HS3ST3B1: variants seen among roughly 807,000 people sequenced by gnomAD.
The protein encoded by HS3ST3B1 is heparan sulfate glucosamine 3-O-sulfotransferase 3B1.
In HS3ST3B1, 13 loss-of-function variants were observed where a neutral mutation model predicts 21.3. That is an observed-to-expected ratio of 0.61 (90% CI 0.40 to 0.97). HS3ST3B1 has a LOEUF of 0.97. Among genes scored for constraint, HS3ST3B1 ranks in the 50% least tolerant of loss-of-function variants. HS3ST3B1 has a pLI of 0.00. For missense variants in HS3ST3B1, 459 were observed against 554.8 expected (o/e 0.83, Z 1.73); for synonymous variants, 234 against 254.8 (o/e 0.92, Z 0.78).
intron 1 of HS3ST3B1, among the ~76,000 whole-genome samples, chr17:14,314,719 G>A (rs942129591): frequency 7.2e-5 from 11 of 152,188 alleles, no homozygotes; most frequent in African/African-American, 2.7e-4. Context: ...CCCTGGGCTT[G>A]TGAATGGGGG....
intron 1 of HS3ST3B1, among the ~76,000 whole-genome samples, chr17:14,310,822 C>T (rs1187277438): frequency 3.3e-5 from 5 of 152,158 alleles, no homozygotes; most frequent in African/African-American, 1.2e-4. Context: ...GGGCACTTAG[C>T]ATATGCTAGT....
chr17:14,316,763 C>A (rs1179700133), intron 1 of HS3ST3B1, among the ~76,000 whole-genome samples: 1 of 152,218 alleles, frequency 6.6e-6, no homozygotes, highest in Non-Finnish European at 1.5e-5. Flanking sequence ...AAGTGTCCTG[C>A]AGTTCACACA....
At position 14,336,762 on chromosome 17, in the gene HS3ST3B1, A is replaced by G. The variant is rs547271647; in HGVS notation, c.555-8266A>G. ...AAAAAGGAAAACAGGAATTTATGCC[A>G]TTAATTCATCTTACTTTCATGGAAT... On this transcript the variant is annotated intron_variant, in intron 1 of 1. Transcript: ENST00000360954. Among the ~76,000 whole-genome samples the G allele has an allele frequency of 2.6e-5, 4 of 152,382 alleles. No individual in the cohort carries two copies. The East Asian group carries it at 7.7e-4, about 29-fold the overall frequency.
At chr17:14,321,009 T>A (rs775776882) in intron 1 of HS3ST3B1, among the ~76,000 whole-genome samples, 8 of 152,182 alleles carry the variant, frequency 5.3e-5, no homozygotes, top group Non-Finnish European at 1.0e-4. Context: ...TGTACAACCT[T>A]GATTTACTGT....
intron 1 of HS3ST3B1, among the ~76,000 whole-genome samples, chr17:14,320,206 A>G (rs1351961703): frequency 6.6e-6 from 1 of 152,220 alleles, no homozygotes; most frequent in Non-Finnish European, 1.5e-5. Flanking sequence ...TGATACATGC[A>G]AAAACAGAAG....
At position 14,305,361 on chromosome 17, in the gene HS3ST3B1, G is replaced by A. The variant is rs529453209; in HGVS notation, c.554+3289G>A. On this transcript the variant is annotated intron_variant, in intron 1 of 1. Transcript: ENST00000360954. The stretch of plus-strand genomic sequence containing the variant: ...CTGGGTGTTACTTCCTGTTCCATGG[G>A]TACCCCATAGTGTTTGGGAAACACC... The A allele has an allele frequency of 3.2e-4, 49 of 152,290 alleles. 1 individual carries two copies. The highest frequency in any genetic ancestry group is 1.1e-3 in the African/African-American group (47 of 41,564). The allele number at this position is 152,290 out of a possible 1,614,324, so 9.4% of individuals were successfully genotyped here. A position where few individuals can be genotyped will look rare whatever the true frequency, so the allele number is the denominator to read the frequency against.
At chr17:14,318,363 G>A (rs740380) in intron 1 of HS3ST3B1, among the ~76,000 whole-genome samples, 4 of 152,086 alleles carry the variant, frequency 2.6e-5, no homozygotes, top group East Asian at 3.9e-4. Context: ...GAATTGCCAC[G>A]TGTCCACGGC....
intron 1 of HS3ST3B1, among the ~76,000 whole-genome samples, chr17:14,332,615 A>G (rs1910049838): frequency 6.6e-6 from 1 of 151,990 alleles, no homozygotes; most frequent in Admixed American, 6.6e-5. Flanking sequence ...GGAGACTGAA[A>G]TAAGCCCTCA....
At chr17:14,316,890 A>G (rs1487012280) in intron 1 of HS3ST3B1, among the ~76,000 whole-genome samples, 2 of 152,256 alleles carry the variant, frequency 1.3e-5, no homozygotes, top group Admixed American at 6.5e-5. Context: ...CTAAAGTTAC[A>G]GGAGTATCTG....
At chr17:14,344,590 G>A (rs1034489049) in intron 1 of HS3ST3B1, among the ~76,000 whole-genome samples, 1 of 152,192 alleles carries the variant, frequency 6.6e-6, no homozygotes, top group Admixed American at 6.5e-5. Flanking sequence ...CCTGGGTTTG[G>A]TAAGTGTGAG....
intron 1 of HS3ST3B1, chr17:14,305,270 G>GCCT (rs1909095645): frequency 6.6e-6 from 1 of 152,224 alleles, no homozygotes; most frequent in Non-Finnish European, 1.5e-5. Flanking sequence ...CTTGAAGCAG[G>GCCT]CCTCCCAAAC....
chr17:14,342,714 A>G (rs1429442131), intron 1 of HS3ST3B1, among the ~76,000 whole-genome samples: 3 of 152,218 alleles, frequency 2.0e-5, no homozygotes, highest in African/African-American at 7.2e-5. Flanking sequence ...AGAAAAGTTA[A>G]ATAAAGTATT....
chr17:14,316,772 C>G (rs1597590932), intron 1 of HS3ST3B1, among the ~76,000 whole-genome samples: 1 of 152,346 alleles, frequency 6.6e-6, no homozygotes, highest in Non-Finnish European at 1.5e-5. Flanking sequence ...GCAGTTCACA[C>G]AGCACCGGAA....
chr17:14,315,638 C>T (rs909432437), intron 1 of HS3ST3B1, among the ~76,000 whole-genome samples: 3 of 152,060 alleles, frequency 2.0e-5, no homozygotes, highest in Admixed American at 6.5e-5. Flanking sequence ...GCCTGACCAA[C>T]GTGGTGAAAC....
chr17:14,330,215 G>A (rs2108461), intron 1 of HS3ST3B1, among the ~76,000 whole-genome samples: 93,811 of 151,944 alleles, frequency 0.62, 29,280 homozygotes, highest in East Asian at 0.77. Flanking sequence ...CGTTTTGTAC[G>A]TATTCAAACA....
At chr17:14,344,988 G>T (rs773659468) in intron 1 of HS3ST3B1, 40 bp from the exon 2 acceptor site, 1 of 1,592,674 alleles carries the variant, frequency 6.3e-7, no homozygotes, top group Non-Finnish European at 8.6e-7. Flanking sequence ...CCAGAGAGGC[G>T]TCACCTTCTG....
intron 1 of HS3ST3B1, among the ~76,000 whole-genome samples, chr17:14,316,351 C>G (rs1156454300): frequency 6.6e-6 from 1 of 152,238 alleles, no homozygotes; most frequent in Non-Finnish European, 1.5e-5. Context: ...GCCGGGGGAA[C>G]AGACTTGCTG....
intron 1 of HS3ST3B1, among the ~76,000 whole-genome samples, chr17:14,325,769 G>T (rs896028762): frequency 2.0e-5 from 3 of 152,156 alleles, no homozygotes; most frequent in African/African-American, 7.2e-5. Flanking sequence ...ATACGCTGCT[G>T]GTAAGTGCTG....
At chr17:14,304,110 T>G (rs1909044979) in intron 1 of HS3ST3B1, 1 of 152,186 alleles carries the variant, frequency 6.6e-6, no homozygotes, top group Non-Finnish European at 1.5e-5. Flanking sequence ...GAGGTTCGGC[T>G]GCCGACTTGC....
Sources: allele counts gnomAD v4.1 joint callset (sites outside exome capture counted in the v4.1 genomes callset), GRCh38; gene constraint gnomAD v4.1.1; transcripts MANE v1.5; gene names NCBI Gene and HGNC (gene_info 2026-07-23, HGNC 2026-07-21).